CCSER1: variants seen among roughly 807,000 people sequenced by gnomAD.
CCSER1 encodes the protein coiled-coil serine rich protein 1.
A neutral mutation model predicts 82.0 loss-of-function variants in CCSER1; 41 were observed. The observed-to-expected ratio is 0.50, with a 90% CI of 0.39 to 0.65. The LOEUF is 0.65. Among genes scored for constraint, CCSER1 ranks in the 30% least tolerant of loss-of-function variants. CCSER1 has a pLI of 0.00. For synonymous variants in CCSER1, 414 were observed against 383.9 expected, an observed-to-expected ratio of 1.08 and a Z score of -0.92; for missense variants, 1,119 against 1,064.2, an observed-to-expected ratio of 1.05 and a Z score of -0.72.
At chr4:90,888,069 A>G (rs1722420267) in intron 8 of CCSER1, among the ~76,000 whole-genome samples, 1 of 152,198 alleles carries the variant, frequency 6.6e-6, no homozygotes, top group Non-Finnish European at 1.5e-5. Flanking sequence ...TTGAGGTAAT[A>G]TAGTTACAGA....
chr4:91,118,862 C>T (rs943477577), intron 10 of CCSER1, among the ~76,000 whole-genome samples: 24 of 152,130 alleles, frequency 1.6e-4, no homozygotes, highest in African/African-American at 5.8e-4. Context: ...GAAGATGTTT[C>T]TGTGGTGAAA....
intron 8 of CCSER1, among the ~76,000 whole-genome samples, chr4:90,862,463 C>G (rs544937574): frequency 1.3e-5 from 2 of 151,940 alleles, no homozygotes; most frequent in South Asian, 4.1e-4. Context: ...TTAATGGTGG[C>G]CCTGGTTTTT....
At chr4:91,394,560 T>A (rs1243779636) in intron 10 of CCSER1, among the ~76,000 whole-genome samples, 1 of 152,046 alleles carries the variant, frequency 6.6e-6, no homozygotes, top group Non-Finnish European at 1.5e-5. Flanking sequence ...AATAGAGTAA[T>A]ATTTAATGGC....
intron 5 of CCSER1, among the ~76,000 whole-genome samples, chr4:90,479,800 A>C (rs2153597131): frequency 6.6e-6 from 1 of 152,268 alleles, no homozygotes; most frequent in Non-Finnish European, 1.5e-5. Flanking sequence ...GGTTGGGTCC[A>C]AGTCTTTGCT....
At chr4:90,304,461 T>C (rs1263876325) in intron 1 of CCSER1, among the ~76,000 whole-genome samples, 2 of 152,160 alleles carry the variant, frequency 1.3e-5, no homozygotes, top group Non-Finnish European at 2.9e-5. Context: ...TGGAATACTA[T>C]GCAGCCATAA....
chr4:91,582,999 C>T (rs1763805365), intron 10 of CCSER1, among the ~76,000 whole-genome samples: 1 of 151,298 alleles, frequency 6.6e-6, no homozygotes, highest in Admixed American at 6.6e-5. Flanking sequence ...TGACTAATCC[C>T]ATACTGTATA....
At chr4:91,210,632 T>C (rs1736735803) in intron 10 of CCSER1, among the ~76,000 whole-genome samples, 2 of 151,632 alleles carry the variant, frequency 1.3e-5, no homozygotes, top group Non-Finnish European at 2.9e-5. Flanking sequence ...TTTTACAAAA[T>C]AATTTCAAAA....
intron 4 of CCSER1, among the ~76,000 whole-genome samples, chr4:90,408,973 C>T (rs1462550551): frequency 4.6e-5 from 7 of 152,128 alleles, no homozygotes; most frequent in Admixed American, 3.9e-4. Context: ...AGGAGAACTA[C>T]GTGATGAATG....
intron 8 of CCSER1, among the ~76,000 whole-genome samples, chr4:90,884,150 G>A (rs1721759761): frequency 6.6e-6 from 1 of 152,098 alleles, no homozygotes; most frequent in Non-Finnish European, 1.5e-5. Context: ...GCTCTCAATG[G>A]AGAGGTCACT....
At chr4:90,497,680 GTACA>G (rs1769244608) in intron 5 of CCSER1, among the ~76,000 whole-genome samples, 1 of 152,082 alleles carries the variant, frequency 6.6e-6, no homozygotes, top group Non-Finnish European at 1.5e-5. Flanking sequence ...AGCCAAAGAA[GTACA>G]CTAATTACTG....
At chr4:90,985,811 A>G (rs1365684289) in intron 9 of CCSER1, among the ~76,000 whole-genome samples, 1 of 151,762 alleles carries the variant, frequency 6.6e-6, no homozygotes, top group Non-Finnish European at 1.5e-5. Context: ...AGAAAAAAAG[A>G]AAAGAAACAG....
chr4:91,559,531 C>G (rs1300081589), intron 10 of CCSER1, among the ~76,000 whole-genome samples: 1 of 151,500 alleles, frequency 6.6e-6, no homozygotes, highest in Admixed American at 6.6e-5. Flanking sequence ...ACTAATCCAT[C>G]TGGCCATTTT....
chr4:90,635,934 G>A (rs1475293401), intron 6 of CCSER1, among the ~76,000 whole-genome samples: 1 of 150,976 alleles, frequency 6.6e-6, no homozygotes, highest in Admixed American at 6.6e-5. Flanking sequence ...TAAAAGAAGG[G>A]CAAATTAAAT....
In CCSER1 at chr4:90,312,079, G is replaced by A. The variant is rs538835725; in HGVS notation, c.1325-784G>A. 2.6e-5 allele frequency among the ~76,000 whole-genome samples: 4 copies of A among 152,318 alleles called. No homozygotes were observed. The South Asian group carries it at 8.3e-4, about 32-fold the overall frequency. On this transcript the variant is annotated intron_variant, in intron 2 of 10. Transcript: ENST00000509176. Reference sequence around the variant, plus strand: ...TTTGCATTTTTAAATGTAACAGGATGATACCCAAGGTAACATATTGGTAAA... The same window carrying A: ...TTTGCATTTTTAAATGTAACAGGATAATACCCAAGGTAACATATTGGTAAA...
At chr4:91,034,298 T>A (rs934481020) in intron 9 of CCSER1, among the ~76,000 whole-genome samples, 1 of 152,198 alleles carries the variant, frequency 6.6e-6, no homozygotes, top group Non-Finnish European at 1.5e-5. Context: ...ACTAAGTAAA[T>A]CACTTTTTAC....
chr4:90,711,317 T>C (rs1489533947), intron 6 of CCSER1, among the ~76,000 whole-genome samples: 1 of 152,164 alleles, frequency 6.6e-6, no homozygotes, highest in Non-Finnish European at 1.5e-5. Context: ...TTGAATATGC[T>C]TTATATCTTT....
At chr4:90,463,943 A>T (rs1763297553) in intron 4 of CCSER1, among the ~76,000 whole-genome samples, 2 of 150,040 alleles carry the variant, frequency 1.3e-5, no homozygotes, top group African/African-American at 5.0e-5. Flanking sequence ...TAAATTAAAA[A>T]AACGATAGAA....
intron 10 of CCSER1, among the ~76,000 whole-genome samples, chr4:91,129,094 G>A (rs1017189803): frequency 2.0e-5 from 3 of 151,918 alleles, no homozygotes; most frequent in African/African-American, 4.8e-5. Context: ...CGAATTTCAA[G>A]CATCACATTT....
At chr4:91,308,753 A>C (rs1215073010) in intron 10 of CCSER1, among the ~76,000 whole-genome samples, 2 of 151,974 alleles carry the variant, frequency 1.3e-5, no homozygotes, top group East Asian at 3.9e-4. Context: ...CATTTAGTGG[A>C]ATGTAGTCAA....
Sources: allele counts gnomAD v4.1 joint callset (sites outside exome capture counted in the v4.1 genomes callset), GRCh38; gene constraint gnomAD v4.1.1; transcripts MANE v1.5; gene names NCBI Gene and HGNC (gene_info 2026-07-23, HGNC 2026-07-21).